The following HSDL2 variants were observed in gnomAD, a reference collection of about 807,000 sequenced individuals.
The protein encoded by HSDL2 is hydroxysteroid dehydrogenase-like protein 2.
A neutral mutation model predicts 46.3 loss-of-function variants in HSDL2; 27 were observed. The observed-to-expected ratio is 0.58, with a 90% confidence interval of 0.43 to 0.80. The LOEUF (loss-of-function observed/expected upper bound fraction) is 0.80, where lower values mean the gene tolerates loss of function less well. HSDL2 is among the 30% of genes least tolerant of loss of function. The pLI, the probability that HSDL2 is intolerant of heterozygous loss-of-function variation, is 0.00. For synonymous variants in HSDL2, 153 were observed against 163.6 expected (o/e 0.94, Z 0.50); for missense variants, 451 against 502.7 (o/e 0.90, Z 0.98).
intron 8 of HSDL2, among the ~76,000 whole-genome samples, chr9:112,451,137 A>G (rs1174828912): frequency 2.0e-5 from 3 of 152,136 alleles, no homozygotes; most frequent in African/African-American, 7.2e-5. Flanking sequence ...GTGAACCTTG[A>G]CTGTACCACT....
chr9:112,432,417 T>A (rs1832428184), intron 6 of HSDL2, among the ~76,000 whole-genome samples: 1 of 152,252 alleles, frequency 6.6e-6, no homozygotes, highest in Admixed American at 6.5e-5. Context: ...CTTTGTTTGT[T>A]TTATTATAGT....
At chr9:112,449,582 G>C (rs13288025) in intron 8 of HSDL2, among the ~76,000 whole-genome samples, 145,362 of 152,112 alleles carry the variant, frequency 0.96, 69,519 homozygotes, top group African/African-American at 0.98. Flanking sequence ...CATCATTTTA[G>C]GCCGGGTGCG....
chr9:112,453,461 C>T (rs748259816), intron 8 of HSDL2, among the ~76,000 whole-genome samples: 4 of 152,126 alleles, frequency 2.6e-5, no homozygotes, highest in Non-Finnish European at 5.9e-5. Flanking sequence ...AGCGTGATCT[C>T]GGCTCACTGC....
chr9:112,448,887 A>G (rs1392984904), intron 8 of HSDL2, among the ~76,000 whole-genome samples: 2 of 151,730 alleles, frequency 1.3e-5, no homozygotes, highest in Non-Finnish European at 2.9e-5. Flanking sequence ...GAAGGTTTGA[A>G]ATACCTACTA....
At chr9:112,426,482 C>T (rs1255231425) in intron 6 of HSDL2, among the ~76,000 whole-genome samples, 2 of 152,146 alleles carry the variant, frequency 1.3e-5, no homozygotes, top group African/African-American at 2.4e-5. Context: ...GTGATCCACC[C>T]GCCTTGGTCT....
chr9:112,394,263 T>C (rs1831411264), intron 1 of HSDL2, among the ~76,000 whole-genome samples: 1 of 152,156 alleles, frequency 6.6e-6, no homozygotes, highest in Non-Finnish European at 1.5e-5. Context: ...GTTCTGGGTG[T>C]TCTGGGCTCA....
intron 8 of HSDL2, among the ~76,000 whole-genome samples, chr9:112,453,095 G>C (rs1210886795): frequency 3.3e-5 from 5 of 152,140 alleles, no homozygotes; most frequent in Admixed American, 2.6e-4. Flanking sequence ...TTTTTTACAT[G>C]ATCTCTACTT....
At chr9:112,382,228 GC>G (rs1342715339) in intron 1 of HSDL2, among the ~76,000 whole-genome samples, 1 of 152,160 alleles carries the variant, frequency 6.6e-6, no homozygotes. Context: ...CCACTGCCCT[GC>G]CCTCCACCCT....
chr9:112,410,759 T>C (rs911532683), intron 4 of HSDL2, among the ~76,000 whole-genome samples: 2 of 152,132 alleles, frequency 1.3e-5, no homozygotes, highest in Non-Finnish European at 2.9e-5. Flanking sequence ...AAACCCTGTC[T>C]CTACAAAAAA....
chr9:112,408,932 C>T lies in HSDL2; in HGVS notation c.306C>T (p.Ala102=), dbSNP rs1385850723. 1.3e-6 allele frequency: 2 copies of T among 1,571,578 alleles called. No individual in the cohort carries two copies. Among genetic ancestry groups the T allele is most frequent in the African/African-American group, 1.4e-5 (1 of 73,456 alleles). Residue 102 remains alanine (A), a synonymous_variant, in exon 4 of 11, where the codon GCC becomes GCT. Coordinates refer to ENST00000398805, the MANE Select transcript of HSDL2 (RefSeq NM_032303.5). The stretch of plus-strand genomic sequence containing the variant: ...GAATTGATATTCTGGTAAATAATGC[C>T]AGTGCCATTAGTTTGACCAATACAT... ...FGGIDILVNN[A]SAISLTNTLD...
intron 8 of HSDL2, among the ~76,000 whole-genome samples, chr9:112,442,151 C>T (rs1233912863): frequency 6.6e-6 from 1 of 151,538 alleles, no homozygotes; most frequent in Non-Finnish European, 1.5e-5. Context: ...AGACTGTAGT[C>T]CCAGCTACTC....
intron 6 of HSDL2, among the ~76,000 whole-genome samples, chr9:112,424,058 C>T (rs146972320): frequency 3.2e-4 from 48 of 151,694 alleles, no homozygotes; most frequent in African/African-American, 1.0e-3. Context: ...CAGTGGCTCA[C>T]GCCTGTAATC....
At chr9:112,409,851 C>G (rs1467607897) in intron 4 of HSDL2, among the ~76,000 whole-genome samples, 1 of 146,324 alleles carries the variant, frequency 6.8e-6, no homozygotes, top group East Asian at 2.0e-4. Flanking sequence ...AGACTGTCTC[C>G]AAAGAAAAAA....
At chr9:112,415,536 A>T (rs1554710866) in intron 4 of HSDL2, among the ~76,000 whole-genome samples, 1 of 152,118 alleles carries the variant, frequency 6.6e-6, no homozygotes, top group Non-Finnish European at 1.5e-5. Context: ...TGACTTGAAC[A>T]CTCATGTTAT....
intron 6 of HSDL2, among the ~76,000 whole-genome samples, chr9:112,428,431 G>A (rs16916973): frequency 0.017 from 2,560 of 152,118 alleles, 85 homozygotes; most frequent in African/African-American, 0.057. Context: ...TTTGCAGTGG[G>A]GAAAAAGATG....
chr9:112,462,600 ATGTGTGTGTGTGTG>A (rs3032131), intron 10 of HSDL2, among the ~76,000 whole-genome samples: 11 of 146,628 alleles, frequency 7.5e-5, no homozygotes, highest in African/African-American at 1.3e-4. Context: ...GAGGAGGGGG[ATGTGTGTGTGTGTG>A]TGTGTGTGTG....
intron 3 of HSDL2, among the ~76,000 whole-genome samples, chr9:112,406,709 C>T (rs182306400): frequency 1.8e-3 from 279 of 152,268 alleles, no homozygotes; most frequent in Non-Finnish European, 3.1e-3. Context: ...ACTTCATGAT[C>T]CACCCAACTC....
chr9:112,459,708 C>T (rs1205238697), intron 10 of HSDL2, 131 bp downstream of exon 10: 5 of 693,206 alleles, frequency 7.2e-6, no homozygotes. Context: ...TTTGGGAAGG[C>T]TGTTCTTACT....
At chr9:112,406,271 A>G (rs1831726245) in intron 3 of HSDL2, among the ~76,000 whole-genome samples, 2 of 152,116 alleles carry the variant, frequency 1.3e-5, no homozygotes, top group African/African-American at 4.8e-5. Flanking sequence ...TAATCGGTAC[A>G]ATGTTTGCTG....
Sources: gnomAD v4.1 joint callset for allele counts (sites outside exome capture counted in the v4.1 genomes callset) on GRCh38, gnomAD v4.1.1 for gene constraint, MANE v1.5 for transcripts, NCBI Gene and HGNC (gene_info 2026-07-23, HGNC 2026-07-21) for gene names.